LOC400499: variants seen among roughly 807,000 people sequenced by gnomAD.
At chr16:11,510,385 G>A in the LOC400499 span, among the ~76,000 whole-genome samples, 1 of 151,762 alleles carries the variant, frequency 6.6e-6, no homozygotes, top group Non-Finnish European at 1.5e-5. Flanking sequence ...GGTCGTGCCT[G>A]CCCCAGGGCC....
the LOC400499 span, among the ~76,000 whole-genome samples, chr16:11,491,116 G>T: frequency 1.3e-5 from 2 of 151,844 alleles, no homozygotes; most frequent in African/African-American, 4.8e-5. Context: ...AGAAATGGAG[G>T]CTCACAAAGG....
At chr16:11,430,964 G>T in the LOC400499 span, 1 of 398,564 alleles carries the variant, frequency 2.5e-6, no homozygotes, top group East Asian at 3.6e-5. Flanking sequence ...GGACTTGGGT[G>T]GAAATGAATC....
chr16:11,484,235 C>T, the LOC400499 span, among the ~76,000 whole-genome samples: 1 of 151,946 alleles, frequency 6.6e-6, no homozygotes, highest in Admixed American at 6.6e-5. Flanking sequence ...TCTTGATCTC[C>T]TGACCTCGTG....
the LOC400499 span, among the ~76,000 whole-genome samples, chr16:11,376,890 C>T: frequency 6.6e-5 from 10 of 151,636 alleles, no homozygotes; most frequent in Non-Finnish European, 1.5e-4. Context: ...ATCTTTGCCT[C>T]CTGGTTAAGT....
At chr16:11,433,035 C>T in the LOC400499 span, among the ~76,000 whole-genome samples, 25 of 152,114 alleles carry the variant, frequency 1.6e-4, no homozygotes, top group Non-Finnish European at 3.4e-4. Context: ...CCAAAGCTGG[C>T]CCACCACTTG....
chr16:11,394,072 G>A, the LOC400499 span, among the ~76,000 whole-genome samples: 2 of 152,188 alleles, frequency 1.3e-5, no homozygotes, highest in African/African-American at 4.8e-5. Flanking sequence ...AATTGGTGTT[G>A]GGGGCCCCGG....
the LOC400499 span, among the ~76,000 whole-genome samples, chr16:11,451,413 C>G: frequency 6.6e-6 from 1 of 152,152 alleles, no homozygotes; most frequent in East Asian, 1.9e-4. Flanking sequence ...GACCCCATCT[C>G]TACAACAAAT....
the LOC400499 span, among the ~76,000 whole-genome samples, chr16:11,454,105 G>A: frequency 1.1e-3 from 169 of 152,306 alleles, 1 homozygote; most frequent in South Asian, 2.5e-3. Flanking sequence ...AAGACAGTGA[G>A]AAAAGGGTCA....
At chr16:11,401,581 G>T in the LOC400499 span, among the ~76,000 whole-genome samples, 1 of 152,240 alleles carries the variant, frequency 6.6e-6, no homozygotes, top group African/African-American at 2.4e-5. Flanking sequence ...TTTCACAGAG[G>T]AGGAAATCCA....
At chr16:11,396,192 C>T in the LOC400499 span, among the ~76,000 whole-genome samples, 1 of 152,206 alleles carries the variant, frequency 6.6e-6, no homozygotes, top group Non-Finnish European at 1.5e-5. Flanking sequence ...GGAGGAAACT[C>T]AGGTACCAGG....
the LOC400499 span, chr16:11,425,425 T>C: frequency 2.0e-5 from 8 of 399,082 alleles, no homozygotes; most frequent in Non-Finnish European, 2.7e-5. Flanking sequence ...GCAGTGACAC[T>C]GAGGGTGCCT....
At chr16:11,504,857 A>G in the LOC400499 span, among the ~76,000 whole-genome samples, 1 of 152,140 alleles carries the variant, frequency 6.6e-6, no homozygotes, top group Non-Finnish European at 1.5e-5. Context: ...CGGGAGGCAG[A>G]GGTTACAGTG....
chr16:11,424,194 T>C, the LOC400499 span: 1 of 399,236 alleles, frequency 2.5e-6, no homozygotes, highest in Non-Finnish European at 4.4e-6. Flanking sequence ...GAGGCTGGCA[T>C]GGAGCTGGAG....
At chr16:11,448,515 AAAACAAACAAACAAAC>A in the LOC400499 span, among the ~76,000 whole-genome samples, 3,874 of 56,110 alleles carry the variant, frequency 0.069, 111 homozygotes, top group African/African-American at 0.15. Context: ...CGTGTCTGCT[AAAACAAACAAACAAAC>A]AAACAAACAA....
the LOC400499 span, among the ~76,000 whole-genome samples, chr16:11,499,605 G>C: frequency 0.014 from 2,077 of 152,158 alleles, 49 homozygotes; most frequent in African/African-American, 0.048. Context: ...CAGAAGGCAA[G>C]GGCTCCCTAT....
chr16:11,521,045 A>G, the LOC400499 span, among the ~76,000 whole-genome samples: 1 of 152,216 alleles, frequency 6.6e-6, no homozygotes, highest in Non-Finnish European at 1.5e-5. Flanking sequence ...AACAACCACA[A>G]GTGTTTTGAA....
chr16:11,394,216 G>A, the LOC400499 span, among the ~76,000 whole-genome samples: 7 of 152,198 alleles, frequency 4.6e-5, no homozygotes, highest in Admixed American at 2.6e-4. Context: ...CCCAGGCACT[G>A]GGCAGCTTAC....
chr16:11,494,752 G>A, the LOC400499 span: 4 of 399,088 alleles, frequency 1.0e-5, no homozygotes, highest in Non-Finnish European at 1.8e-5. Flanking sequence ...TCGGGGTCTG[G>A]AGCAGTGGCT....
the LOC400499 span, among the ~76,000 whole-genome samples, chr16:11,391,298 C>A: frequency 6.6e-6 from 1 of 152,294 alleles, no homozygotes; most frequent in African/African-American, 2.4e-5. Flanking sequence ...CCTTTAATGA[C>A]CACCTGGCCA....
Sources: allele counts gnomAD v4.1 joint callset (sites outside exome capture counted in the v4.1 genomes callset), GRCh38; gene constraint gnomAD v4.1.1; transcripts MANE v1.5.